The following EPB41L4B variants were observed in gnomAD, a reference collection of about 807,000 sequenced individuals.
EPB41L4B encodes erythrocyte membrane protein band 4.1 like 4B, also known as band 4.1-like protein 4B.
Under a neutral mutation model 112.5 loss-of-function variants are expected in EPB41L4B, and 30 were observed. The observed-to-expected ratio is 0.27, with a 90% CI of 0.20 to 0.36. The LOEUF is 0.36. Among genes scored for constraint, EPB41L4B ranks in the 10% least tolerant of loss-of-function variants. The pLI is 1.00. For missense variants in EPB41L4B, 1,024 were observed against 1,133.3 expected, an observed-to-expected ratio of 0.90 and a Z score of 1.38; for synonymous variants, 408 against 439.7, an observed-to-expected ratio of 0.93 and a Z score of 0.90.
intron 1 of EPB41L4B, among the ~76,000 whole-genome samples, chr9:109,304,607 T>C (rs563335458): frequency 2.1e-4 from 32 of 152,298 alleles, no homozygotes; most frequent in African/African-American, 7.7e-4. Flanking sequence ...CACTGTGTGT[T>C]CTCTCCTAGT....
At chr9:109,245,472 T>C (rs1488002533) in intron 14 of EPB41L4B, among the ~76,000 whole-genome samples, 2 of 152,230 alleles carry the variant, frequency 1.3e-5, no homozygotes, top group Non-Finnish European at 2.9e-5. Context: ...TCTCAACTGG[T>C]ACACTCATAT....
At chr9:109,175,571 C>T (rs371737830) in intron 25 of EPB41L4B, among the ~76,000 whole-genome samples, 10 of 150,844 alleles carry the variant, frequency 6.6e-5, no homozygotes, top group African/African-American at 2.4e-4. Context: ...GCTATGTTGC[C>T]CAGGCTGGAC....
chr9:109,221,355 G>A (rs973045002), intron 15 of EPB41L4B, among the ~76,000 whole-genome samples: 6 of 152,194 alleles, frequency 3.9e-5, no homozygotes, highest in Admixed American at 6.5e-5. Flanking sequence ...TTGCAAATAT[G>A]TTGAAAATAA....
At chr9:109,180,843 G>A (rs886466004) in intron 24 of EPB41L4B, among the ~76,000 whole-genome samples, 8 of 152,248 alleles carry the variant, frequency 5.3e-5, no homozygotes, top group African/African-American at 1.9e-4. Flanking sequence ...TGAGAGGAAG[G>A]AGGTGTGGAC....
intron 23 of EPB41L4B, 68 bp from the exon 24 acceptor site, chr9:109,182,865 G>T: frequency 8.6e-7 from 1 of 1,163,886 alleles, no homozygotes; most frequent in Non-Finnish European, 1.3e-6. Flanking sequence ...ATCTTTGGCA[G>T]CGCACCTTTA....
In EPB41L4B at chr9:109,313,673, C is replaced by T. The variant is rs185884142; in HGVS notation, c.306+6468G>A. On this transcript the variant is annotated intron_variant, in intron 1 of 25. Transcript: ENST00000374566. The stretch of plus-strand genomic sequence containing the variant: ...AGCTTGCTTCCTACCAAGGGAGGGG[C>T]AGCAGGCAGCACACAGCGCAGATGG... Among the ~76,000 whole-genome samples the T allele has an allele frequency of 9.8e-5, 15 of 152,300 alleles. No individual in the cohort carries two copies. In the East Asian group the frequency reaches 2.1e-3, roughly 22 times the overall value.
At chr9:109,183,359 GA>G (rs1220600557) in intron 23 of EPB41L4B, among the ~76,000 whole-genome samples, 1 of 152,160 alleles carries the variant, frequency 6.6e-6, no homozygotes, top group Non-Finnish European at 1.5e-5. Context: ...AGACCTCAGG[GA>G]AACCCGTGGA....
Position 109,256,172 on chromosome 9 carries a change from A to G in EPB41L4B, c.893T>C (p.Ile298Thr). The G allele has an allele frequency of 3.1e-6, 5 of 1,614,192 alleles. No homozygotes were observed. The highest frequency in any genetic ancestry group is 4.2e-6 in the Non-Finnish European group (5 of 1,180,010). The stretch of plus-strand genomic sequence containing the variant: ...GCCTATTTTGTTAGCTCCTTCAAAG[A>G]TTAATATGCCTGTCGGGGTCAGTCC... ...SLGLTPTGILIFEGANKIGLF... is the reference protein window; with the variant it reads ...SLGLTPTGILTFEGANKIGLF... Residue 298 changes from isoleucine to threonine, a missense_variant, in exon 9 of 26, where the codon ATC becomes ACC. By Grantham distance (89) the Ile-to-Thr change is moderately conservative. Coordinates refer to ENST00000374566, the MANE Select transcript of EPB41L4B (RefSeq NM_019114.5).
chr9:109,274,696 T>C (rs1036921571), intron 2 of EPB41L4B, among the ~76,000 whole-genome samples: 4 of 152,212 alleles, frequency 2.6e-5, no homozygotes, highest in Admixed American at 6.5e-5. Flanking sequence ...TCAAGCCGTA[T>C]AGCCAAGTGG....
intron 24 of EPB41L4B, among the ~76,000 whole-genome samples, chr9:109,182,174 A>G (rs1219000635): frequency 2.6e-5 from 4 of 152,204 alleles, no homozygotes; most frequent in African/African-American, 7.2e-5. Context: ...GTGCCACTGC[A>G]CTCCAGCCTT....
intron 1 of EPB41L4B, among the ~76,000 whole-genome samples, chr9:109,311,309 C>T (rs1485185776): frequency 1.3e-5 from 2 of 152,262 alleles, no homozygotes; most frequent in African/African-American, 2.4e-5. Flanking sequence ...CTGACTTCAA[C>T]GCACCTGAGC....
chr9:109,177,955 GTT>G (rs1831904751), intron 24 of EPB41L4B, among the ~76,000 whole-genome samples: 1 of 151,140 alleles, frequency 6.6e-6, no homozygotes, highest in East Asian at 2.0e-4. Context: ...GTCTCACTCT[GTT>G]GCCCAGGCTG....
At chr9:109,276,246 C>T (rs948081382) in intron 2 of EPB41L4B, among the ~76,000 whole-genome samples, 2 of 149,210 alleles carry the variant, frequency 1.3e-5, no homozygotes, top group Non-Finnish European at 3.0e-5. Flanking sequence ...CCACAGAAGG[C>T]AAAATAAGAT....
chr9:109,229,497 CT>C (rs1311231572), intron 15 of EPB41L4B, among the ~76,000 whole-genome samples: 1 of 152,196 alleles, frequency 6.6e-6, no homozygotes, highest in Non-Finnish European at 1.5e-5. Context: ...GGACTTACTC[CT>C]CAGCTATTTA....
intron 4 of EPB41L4B, among the ~76,000 whole-genome samples, chr9:109,266,332 C>T (rs1475205083): frequency 3.9e-5 from 6 of 151,920 alleles, no homozygotes; most frequent in East Asian, 1.9e-4. Flanking sequence ...GCTGTGATCA[C>T]GCCACTGCAC....
chr9:109,208,181 T>C, intron 17 of EPB41L4B, 132 bp from the exon 18 acceptor site: 1 of 1,063,726 alleles, frequency 9.4e-7, no homozygotes, highest in Non-Finnish European at 1.4e-6. Flanking sequence ...CAACTCCTTA[T>C]ATTTTTATCT....
At position 109,268,613 on chromosome 9, in the gene EPB41L4B, C is replaced by T. The variant is rs74307982; in HGVS notation, c.412-180G>A. Among the ~76,000 whole-genome samples, 1,036 of 152,182 alleles carry T rather than the reference C, an allele frequency of 6.8e-3. 21 individuals are homozygous for T. In the East Asian group the frequency reaches 0.095, roughly 14 times the overall value. Reference sequence around the variant, plus strand: ...GCTTGGGATGGTATAAAAAATTCAACGTTGGCCGGGCGCGGTGGCTCACGC... The same window carrying T: ...GCTTGGGATGGTATAAAAAATTCAATGTTGGCCGGGCGCGGTGGCTCACGC... On this transcript the variant is annotated intron_variant, in intron 2 of 25. Transcript: ENST00000374566.
At chr9:109,259,592 AATCT>A (rs1294131879) in intron 6 of EPB41L4B, among the ~76,000 whole-genome samples, 2 of 152,156 alleles carry the variant, frequency 1.3e-5, no homozygotes, top group African/African-American at 2.4e-5. Context: ...ACCCTATCAT[AATCT>A]ATCTATGTGA....
intron 12 of EPB41L4B, among the ~76,000 whole-genome samples, chr9:109,252,914 G>A (rs959010669): frequency 1.3e-5 from 2 of 152,144 alleles, no homozygotes; most frequent in African/African-American, 4.8e-5. Flanking sequence ...TGATGGACAA[G>A]GTTGAAGGGG....
Sources: allele counts gnomAD v4.1 joint callset (sites outside exome capture counted in the v4.1 genomes callset), GRCh38; gene constraint gnomAD v4.1.1; transcripts MANE v1.5; gene names NCBI Gene and HGNC (gene_info 2026-07-23, HGNC 2026-07-21).